ANKS1B: variants seen among roughly 807,000 people sequenced by gnomAD.
ANKS1B encodes the protein ankyrin repeat and sterile alpha motif domain-containing protein 1B.
In ANKS1B, 36 loss-of-function variants were observed where a neutral mutation model predicts 148.3. The ratio of observed to expected loss-of-function variants is 0.24; its 90% CI spans 0.19 to 0.32. ANKS1B has a LOEUF of 0.32. Ranked by LOEUF, ANKS1B falls within the 10% of genes least tolerant of loss-of-function variation. The probability of loss-of-function intolerance (pLI) is 1.00; values close to 1 mark genes in which losing one functional copy is unlikely to be tolerated. For synonymous variants in ANKS1B, 542 were observed against 560.8 expected (o/e 0.97, Z 0.47); for missense variants, 1,157 against 1,542.6 (o/e 0.75, Z 4.19).
chr12:98,794,130 G>A (rs879779807), intron 22 of ANKS1B, among the ~76,000 whole-genome samples: 2 of 152,108 alleles, frequency 1.3e-5, no homozygotes, highest in Non-Finnish European at 1.5e-5. Context: ...GGTGGCTCAC[G>A]CCTGTAATCC....
intron 2 of ANKS1B, among the ~76,000 whole-genome samples, chr12:99,822,401 T>C (rs2082621531): frequency 6.6e-6 from 1 of 152,164 alleles, no homozygotes; most frequent in South Asian, 2.1e-4. Flanking sequence ...ATTTATCCCA[T>C]CACCTTGATA....
At chr12:99,449,060 C>G (rs1033749801) in intron 10 of ANKS1B, among the ~76,000 whole-genome samples, 1 of 151,924 alleles carries the variant, frequency 6.6e-6, no homozygotes, top group African/African-American at 2.4e-5. Context: ...GCTATCAAAC[C>G]ATTTTCTTAA....
intron 12 of ANKS1B, among the ~76,000 whole-genome samples, chr12:99,270,421 T>C (rs916844042): frequency 5.9e-5 from 9 of 152,170 alleles, no homozygotes; most frequent in African/African-American, 2.2e-4. Flanking sequence ...CTATCTAATG[T>C]ATCATCTTCC....
intron 16 of ANKS1B, among the ~76,000 whole-genome samples, chr12:99,063,804 T>A (rs2043206201): frequency 6.6e-6 from 1 of 152,208 alleles, no homozygotes; most frequent in African/African-American, 2.4e-5. Flanking sequence ...TGGAAAGGAT[T>A]AATATACTGT....
At chr12:99,388,881 T>C (rs2093966838) in intron 12 of ANKS1B, among the ~76,000 whole-genome samples, 1 of 152,236 alleles carries the variant, frequency 6.6e-6, no homozygotes, top group Non-Finnish European at 1.5e-5. Flanking sequence ...CAGCTTATTA[T>C]CAGTTCATCT....
chr12:99,915,482 A>G (rs1376545345), intron 1 of ANKS1B, among the ~76,000 whole-genome samples: 1 of 152,142 alleles, frequency 6.6e-6, no homozygotes, highest in African/African-American at 2.4e-5. Flanking sequence ...GTAGCAAGGA[A>G]ATCATAAGTA....
chr12:98,819,643 G>A (rs1566861844), intron 19 of ANKS1B, among the ~76,000 whole-genome samples: 3 of 152,214 alleles, frequency 2.0e-5, no homozygotes, highest in Non-Finnish European at 4.4e-5. Flanking sequence ...ACTTGTGGCT[G>A]TCTGTAAGGA....
intron 19 of ANKS1B, among the ~76,000 whole-genome samples, chr12:98,811,594 C>T (rs1054904945): frequency 9.9e-5 from 15 of 152,146 alleles, no homozygotes; most frequent in South Asian, 2.1e-4. Flanking sequence ...TTGGAGAGCA[C>T]GGGAATGCAT....
intron 11 of ANKS1B, among the ~76,000 whole-genome samples, chr12:99,412,478 A>G (rs990298949): frequency 6.6e-6 from 1 of 152,198 alleles, no homozygotes; most frequent in Non-Finnish European, 1.5e-5. Context: ...GATTCTTCGC[A>G]GAGGTCTAAT....
intron 1 of ANKS1B, among the ~76,000 whole-genome samples, chr12:99,916,715 C>T (rs76359711): frequency 6.6e-6 from 1 of 152,018 alleles, no homozygotes; most frequent in Non-Finnish European, 1.5e-5. Context: ...ATGCTTCCTG[C>T]AAAAAAACCA....
chr12:98,807,560 C>G (rs2099060504), intron 20 of ANKS1B, among the ~76,000 whole-genome samples: 1 of 151,938 alleles, frequency 6.6e-6, no homozygotes. Context: ...CCTGTAAAAG[C>G]AAGTTTAACA....
intron 8 of ANKS1B, among the ~76,000 whole-genome samples, chr12:99,665,351 A>G (rs1385604066): frequency 6.6e-6 from 1 of 152,250 alleles, no homozygotes; most frequent in East Asian, 1.9e-4. Context: ...ATGTAGAATT[A>G]TCACAATAAT....
chr12:99,715,610 A>C lies in ANKS1B; in HGVS notation c.1128+57312T>G, dbSNP rs376019897. On this transcript the variant is annotated intron_variant, in intron 8 of 26. Coordinates refer to ENST00000683438, the MANE Select transcript of ANKS1B (RefSeq NM_001352186.2). ...CATGAAATTTGGTGCCGTGACTCGGATCAGGGGACCCTTGGAGATCCCTTG... is the reference window on the plus strand; with the variant it reads ...CATGAAATTTGGTGCCGTGACTCGGCTCAGGGGACCCTTGGAGATCCCTTG... 1.4e-4 allele frequency among the ~76,000 whole-genome samples: 21 copies of C among 152,242 alleles called. No homozygotes were observed. In the East Asian group the frequency reaches 4.1e-3, roughly 29 times the overall value.
intron 1 of ANKS1B, among the ~76,000 whole-genome samples, chr12:99,907,636 A>C (rs1197456052): frequency 3.3e-5 from 5 of 152,152 alleles, no homozygotes; most frequent in Non-Finnish European, 7.4e-5. Context: ...TCCCAGCAAA[A>C]GGTGAATGAA....
intron 11 of ANKS1B, among the ~76,000 whole-genome samples, chr12:99,431,466 G>C (rs1299714724): frequency 2.0e-5 from 3 of 152,160 alleles, no homozygotes; most frequent in Non-Finnish European, 4.4e-5. Context: ...AAATGCCCTA[G>C]ATCATGTTTT....
At chr12:99,198,200 T>A (rs1215547421) in intron 14 of ANKS1B, among the ~76,000 whole-genome samples, 1 of 152,198 alleles carries the variant, frequency 6.6e-6, no homozygotes, top group Admixed American at 6.6e-5. Flanking sequence ...AAGTGCTGTA[T>A]GAAATTTGTC....
At chr12:99,308,527 A>G (rs1239286619) in intron 12 of ANKS1B, among the ~76,000 whole-genome samples, 1 of 151,978 alleles carries the variant, frequency 6.6e-6, no homozygotes, top group Non-Finnish European at 1.5e-5. Flanking sequence ...ATTCCACATC[A>G]TCTTAATTAC....
intron 9 of ANKS1B, among the ~76,000 whole-genome samples, chr12:99,539,773 T>C (rs2097107564): frequency 6.6e-6 from 1 of 152,156 alleles, no homozygotes; most frequent in African/African-American, 2.4e-5. Context: ...CTTGCTGTGT[T>C]GCCCAGGCTG....
intron 19 of ANKS1B, among the ~76,000 whole-genome samples, chr12:98,818,313 T>C (rs936440960): frequency 2.0e-5 from 3 of 152,222 alleles, no homozygotes; most frequent in Admixed American, 1.3e-4. Flanking sequence ...TATAGGCTTA[T>C]GATATTCCTG....
Sources: allele counts gnomAD v4.1 joint callset (sites outside exome capture counted in the v4.1 genomes callset), GRCh38; gene constraint gnomAD v4.1.1; transcripts MANE v1.5; gene names NCBI Gene and HGNC (gene_info 2026-07-23, HGNC 2026-07-21).